Variants in TPH1 observed in about 807,000 individuals in gnomAD.
The protein encoded by TPH1 is tryptophan 5-hydroxylase 1.
In TPH1, 37 loss-of-function variants were observed where a neutral mutation model predicts 49.5. The observed-to-expected ratio is 0.75, with a 90% CI of 0.58 to 0.98. The LOEUF is 0.98. TPH1 is among the 50% of genes least tolerant of loss of function. The pLI is 0.00. For synonymous variants in TPH1, 160 were observed against 182.1 expected, an observed-to-expected ratio of 0.88 and a Z score of 0.98; for missense variants, 487 against 523.6, an observed-to-expected ratio of 0.93 and a Z score of 0.68.
At chr11:18,042,430 A>T (rs623580) in intron 1 of TPH1, 280,405 of 434,080 alleles carry the variant, frequency 0.65, 91,278 homozygotes, top group East Asian at 0.66. Context: ...CGTTGTCCTA[A>T]AGCGTGAAAA....
At position 18,033,252 on chromosome 11, in the gene TPH1, T is replaced by C. The variant is rs377180933; in HGVS notation, c.402+22A>G. 41 of 1,528,812 alleles carry C rather than the reference T, an allele frequency of 2.7e-5. 1 individual carries two copies. In the African/African-American group the frequency reaches 5.2e-4, roughly 19 times the overall value. 94.7% of individuals were successfully genotyped at this position (1,528,812 alleles called of 1,614,324 possible). ...TGGACAGCAGAGCAAGACTTGCTCT[T>C]AAAAAAAAAGAAAATACTTACAGGA... On this transcript the variant is annotated intron_variant, in intron 4 of 10. Transcript: ENST00000682019.
At chr11:18,026,911 TG>T (rs1245929304) in intron 6 of TPH1, among the ~76,000 whole-genome samples, 1 of 152,202 alleles carries the variant, frequency 6.6e-6, no homozygotes, top group Non-Finnish European at 1.5e-5. Context: ...GACTCAATAA[TG>T]TGCCCAAGTC....
chr11:18,026,775 T>C, intron 6 of TPH1, 150 bp from the exon 7 acceptor site: 1 of 960,558 alleles, frequency 1.0e-6, no homozygotes, highest in Non-Finnish European at 1.6e-6. Flanking sequence ...GAACTAATTA[T>C]TATTAAGCAC....
At chr11:18,036,280 T>C (rs1564859064) in intron 2 of TPH1, 138 bp from the exon 3 acceptor site, 3 of 672,218 alleles carry the variant, frequency 4.5e-6, no homozygotes, top group East Asian at 2.7e-5. Context: ...TTTTTAGTGC[T>C]GCCAACAACA....
intron 4 of TPH1, among the ~76,000 whole-genome samples, chr11:18,030,959 T>C (rs2134029530): frequency 6.6e-6 from 1 of 152,306 alleles, no homozygotes; most frequent in South Asian, 2.1e-4. Context: ...ACTGGTGTTT[T>C]TTAAATAACT....
chr11:18,023,332 C>T (rs1854384807), intron 9 of TPH1, among the ~76,000 whole-genome samples: 1 of 152,110 alleles, frequency 6.6e-6, no homozygotes, highest in Non-Finnish European at 1.5e-5. Flanking sequence ...ACATTCATTA[C>T]TCAACAAACT....
At chr11:18,040,035 C>A (rs1215503765) in intron 2 of TPH1, among the ~76,000 whole-genome samples, 3 of 151,064 alleles carry the variant, frequency 2.0e-5, no homozygotes, top group Non-Finnish European at 2.9e-5. Flanking sequence ...AAAATAATAT[C>A]ATTAAATATA....
chr11:18,042,754 G>T (rs1848109915), intron 1 of TPH1, among the ~76,000 whole-genome samples: 1 of 152,152 alleles, frequency 6.6e-6, no homozygotes, highest in South Asian at 2.1e-4. Context: ...AAGAGAAAAT[G>T]TTCAAGTAAT....
At chr11:18,039,191 A>G (rs928598117) in intron 2 of TPH1, among the ~76,000 whole-genome samples, 6 of 152,230 alleles carry the variant, frequency 3.9e-5, no homozygotes, top group African/African-American at 1.4e-4. Context: ...TTCTTTGCAA[A>G]CAGCTATATA....
chr11:18,029,649 T>C (rs1847965510), intron 4 of TPH1, 70 bp from the exon 5 acceptor site: 2 of 1,261,708 alleles, frequency 1.6e-6, no homozygotes, highest in African/African-American at 2.9e-5. Context: ...TTGGGAAACA[T>C]TTCATTATTA....
chr11:18,025,594 G>A lies in TPH1; in HGVS notation c.911C>T (p.Ala304Val), dbSNP rs142170901. The A allele has an allele frequency of 2.7e-4, 432 of 1,613,926 alleles. 3 individuals are homozygous for A. The African/African-American group carries it at 5.2e-3, about 19-fold the overall frequency. ...GLASLGASEEAVQKLATCYFF... is the reference protein window; with the variant it reads ...GLASLGASEEVVQKLATCYFF... ...TTATACCGTTGCCAGTTTTTGAACA[G>A]CCTCCTCTGAAGCGCCAAGAGAAGC... Residue 304 changes from alanine to valine, a missense_variant, in exon 8 of 11, where the codon GCT becomes GTT. Ala to Val is a moderately conservative substitution (Grantham distance 64). Coordinates refer to ENST00000682019, the MANE Select transcript of TPH1 (RefSeq NM_004179.3).
Position 18,019,061 on chromosome 11 carries a change from C to T in TPH1, c.*1930G>A, listed in dbSNP as rs900601987. The T allele has an allele frequency of 6.6e-6, 1 of 152,096 alleles. No individual in the cohort carries two copies. The highest frequency in any genetic ancestry group is 2.4e-5 in the African/African-American group (1 of 41,400). The allele number at this position is 152,096 out of a possible 1,614,324, so 9.4% of individuals were successfully genotyped here. A position where few individuals can be genotyped will look rare whatever the true frequency, so the allele number is the denominator to read the frequency against. On this transcript the variant is annotated 3_prime_UTR_variant, in exon 11 of 11. Coordinates refer to ENST00000682019, the MANE Select transcript of TPH1 (RefSeq NM_004179.3). ...TTTCAAATGATTCTAGATTAGCTAG[C>T]ATCTATTTACCATCAAATGTATACT...
At position 18,029,369 on chromosome 11, in the gene TPH1, G is replaced by C; in HGVS notation, c.471-8C>G. ...TTTGGAATGGGGTCTCCACTAATGA[G>C]ATAAAGGGAAGGAGTTGTTTTGAAT... On this transcript the variant is annotated splice_region_variant and splice_polypyrimidine_tract_variant and intron_variant, in intron 5 of 10. Coordinates refer to ENST00000682019, the MANE Select transcript of TPH1 (RefSeq NM_004179.3). 1.9e-6 allele frequency: 3 copies of C among 1,612,604 alleles called. No homozygotes were observed. Among genetic ancestry groups the C allele is most frequent in the Non-Finnish European group, 1.7e-6 (2 of 1,178,806 alleles).
At chr11:18,032,695 G>A (rs547827660) in intron 4 of TPH1, among the ~76,000 whole-genome samples, 21 of 151,188 alleles carry the variant, frequency 1.4e-4, no homozygotes, top group African/African-American at 4.4e-4. Context: ...ACAGGCGCCC[G>A]CCACCACGCC....
chr11:18,026,993 C>T (rs1847935195), intron 6 of TPH1, among the ~76,000 whole-genome samples: 1 of 152,184 alleles, frequency 6.6e-6, no homozygotes, highest in African/African-American at 2.4e-5. Context: ...TGCTGTCTCC[C>T]TTAAGGGGTT....
intron 2 of TPH1, among the ~76,000 whole-genome samples, chr11:18,039,524 T>G (rs944121140): frequency 3.3e-5 from 5 of 152,350 alleles, no homozygotes; most frequent in South Asian, 2.1e-4. Flanking sequence ...TATTTATAAT[T>G]TTTAGTTCCT....
intron 2 of TPH1, among the ~76,000 whole-genome samples, chr11:18,037,399 A>G (rs1848057606): frequency 6.6e-6 from 1 of 152,028 alleles, no homozygotes; most frequent in African/African-American, 2.4e-5. Flanking sequence ...ATGAGCTAAC[A>G]AGAAAGAGGA....
chr11:18,036,153 C>T lies in TPH1; in HGVS notation c.118-11G>A. Reference sequence around the variant, plus strand: ...ATTCACATGCTTCTCCTGTGTAAAGCACAGGGAAAAGATTTCATGTAACTG... The same window carrying T: ...ATTCACATGCTTCTCCTGTGTAAAGTACAGGGAAAAGATTTCATGTAACTG... On this transcript the variant is annotated splice_polypyrimidine_tract_variant and intron_variant, in intron 2 of 10. Transcript: ENST00000682019. The T allele has an allele frequency of 6.2e-7, 1 of 1,608,932 alleles. No individual in the cohort carries two copies.
chr11:18,025,017 G>A (rs1020086930), intron 8 of TPH1, among the ~76,000 whole-genome samples: 1 of 152,134 alleles, frequency 6.6e-6, no homozygotes, highest in African/African-American at 2.4e-5. Context: ...TGTGAACTTT[G>A]CTATAGGCTA....
Sources: allele counts gnomAD v4.1 joint callset (sites outside exome capture counted in the v4.1 genomes callset), GRCh38; gene constraint gnomAD v4.1.1; transcripts MANE v1.5; gene names NCBI Gene and HGNC (gene_info 2026-07-23, HGNC 2026-07-21).